RDH10: variants seen among roughly 807,000 people sequenced by gnomAD.
RDH10 encodes retinol dehydrogenase 10, also known as retinol dehydrogenase 10 (all-trans).
RDH10 carries 12 observed loss-of-function variants against 30.2 expected under a neutral mutation model. That is an observed-to-expected ratio of 0.40 (90% CI 0.25 to 0.64). The LOEUF (loss-of-function observed/expected upper bound fraction) is 0.64, where lower values mean the gene tolerates loss of function less well. Among genes scored for constraint, RDH10 ranks in the 30% least tolerant of loss-of-function variants. The pLI is 0.43. For missense variants in RDH10, 268 were observed against 445.2 expected (o/e 0.60, Z 3.58); for synonymous variants, 189 against 172.2 (o/e 1.10, Z -0.76).
At chr8:73,299,003 G>A (rs1393446831) in intron 2 of RDH10, among the ~76,000 whole-genome samples, 2 of 151,964 alleles carry the variant, frequency 1.3e-5, no homozygotes, top group East Asian at 3.9e-4. Flanking sequence ...TAGTAGAGGC[G>A]GGGTTGCACC....
chr8:73,299,056 C>T (rs1221495560), intron 2 of RDH10, among the ~76,000 whole-genome samples: 1 of 152,058 alleles, frequency 6.6e-6, no homozygotes, highest in Non-Finnish European at 1.5e-5. Flanking sequence ...TCAGGTGATC[C>T]GCCCGCCTCA....
At position 73,317,756 on chromosome 8, in the gene RDH10, AC is replaced by A. The variant is rs556014415; in HGVS notation, c.526-1339del. ...GGCAACATAATGAGACCCCTTCTCT[AC>A]AAAAAATTAAAAATTAGCTGGGCAT... On this transcript the variant is annotated intron_variant, in intron 2 of 5. Transcript: ENST00000240285. Among the ~76,000 whole-genome samples the A allele has an allele frequency of 1.5e-3, 230 of 152,186 alleles. 10 individuals carry two copies. In the South Asian group the frequency reaches 0.046, roughly 30 times the overall value.
chr8:73,321,812 A>G (rs1216098143), intron 4 of RDH10: 2 of 456,246 alleles, frequency 4.4e-6, no homozygotes, highest in East Asian at 6.9e-5. Context: ...GTTGGGGGCC[A>G]TTCTTAACGT....
chr8:73,315,462 T>G, intron 2 of RDH10: 2 of 349,636 alleles, frequency 5.7e-6, no homozygotes, highest in South Asian at 4.5e-5. Context: ...ACCACCAGAT[T>G]CATTTCAGGG....
At chr8:73,314,658 G>C (rs1399876009) in intron 2 of RDH10, among the ~76,000 whole-genome samples, 4 of 152,194 alleles carry the variant, frequency 2.6e-5, no homozygotes, top group African/African-American at 9.7e-5. Context: ...TTAGAAACAA[G>C]CCGTCTGGGA....
At chr8:73,311,201 C>G (rs940262665) in intron 2 of RDH10, 1 of 152,178 alleles carries the variant, frequency 6.6e-6, no homozygotes, top group Non-Finnish European at 1.5e-5. Flanking sequence ...TCTTGTCTCA[C>G]AAATGAGTTT....
chr8:73,311,735 A>G (rs975779442), intron 2 of RDH10: 2 of 152,224 alleles, frequency 1.3e-5, no homozygotes, highest in Non-Finnish European at 2.9e-5. Context: ...TTTTGTCCCA[A>G]TCTGATAGAA....
chr8:73,302,794 T>C (rs1413654493), intron 2 of RDH10, among the ~76,000 whole-genome samples: 1 of 152,248 alleles, frequency 6.6e-6, no homozygotes, highest in Non-Finnish European at 1.5e-5. Flanking sequence ...CTTTACTTGT[T>C]ATTTTTTAAG....
chr8:73,319,569 A>G (rs1814730194), intron 3 of RDH10, among the ~76,000 whole-genome samples: 1 of 152,248 alleles, frequency 6.6e-6, no homozygotes, highest in Admixed American at 6.5e-5. Flanking sequence ...CTCTTCTGCC[A>G]TAAAATCTCT....
chr8:73,299,541 A>C, intron 2 of RDH10, among the ~76,000 whole-genome samples: 1 of 152,220 alleles, frequency 6.6e-6, no homozygotes, highest in East Asian at 1.9e-4. Context: ...AGTCAGCCCT[A>C]AACAGTTACA....
At position 73,303,475 on chromosome 8, in the gene RDH10, A is replaced by G. The variant is rs1814416462; in HGVS notation, c.525+6046A>G. On this transcript the variant is annotated intron_variant, in intron 2 of 5. Coordinates refer to ENST00000240285, the MANE Select transcript of RDH10 (RefSeq NM_172037.5). ...TAAGACTAATTAGTTTATAGAGAAT[A>G]TTGATTTCCTATCTTAAGATAGCTA... is the stretch of plus-strand genomic sequence containing the variant. 3.3e-5 allele frequency among the ~76,000 whole-genome samples: 5 copies of G among 152,240 alleles called. No individual in the cohort carries two copies. In the South Asian group the frequency reaches 1.0e-3, roughly 31 times the overall value.
At position 73,294,840 on chromosome 8, in the gene RDH10, G is replaced by A; in HGVS notation, c.-450G>A. ...GAGTTGACAACTCCCGCGGCAGCCC[G>A]CTGGCCCGTGCCGCCTCCGCTGCGC... On this transcript the variant is annotated 5_prime_UTR_variant, in exon 1 of 6. Coordinates refer to ENST00000240285, the MANE Select transcript of RDH10 (RefSeq NM_172037.5). 2.6e-6 allele frequency: 1 copy of A among 385,630 alleles called. No individual in the cohort carries two copies. 23.9% of individuals were successfully genotyped at this position (385,630 alleles called of 1,614,324 possible).
In RDH10 at chr8:73,321,085, AG is replaced by A; in HGVS notation, c.770+9del. 2.5e-6 allele frequency: 4 copies of A among 1,607,678 alleles called. No individual in the cohort carries two copies. The highest frequency in any genetic ancestry group is 2.5e-6 in the Non-Finnish European group (3 of 1,176,846). ...CAGAGGCTGCCGAATCAGGTCAGTG[AG>A]AACCTATATTATTACTGATAAAAAG... On this transcript the variant is annotated intron_variant, in intron 4 of 5. Coordinates refer to ENST00000240285, the MANE Select transcript of RDH10 (RefSeq NM_172037.5).
intron 2 of RDH10, among the ~76,000 whole-genome samples, chr8:73,307,181 GA>G (rs1213661460): frequency 1.3e-5 from 2 of 151,620 alleles, no homozygotes; most frequent in East Asian, 3.9e-4. Flanking sequence ...ACTGATAAAA[GA>G]AGGATTAGAA....
chr8:73,312,747 C>G (rs1232666859), intron 2 of RDH10: 1 of 152,156 alleles, frequency 6.6e-6, no homozygotes, highest in Non-Finnish European at 1.5e-5. Flanking sequence ...TCTGAAAATC[C>G]TTAAGCATAT....
chr8:73,321,411 A>T (rs1814767725), intron 4 of RDH10, among the ~76,000 whole-genome samples: 1 of 152,224 alleles, frequency 6.6e-6, no homozygotes, highest in Non-Finnish European at 1.5e-5. Context: ...GTAAATAAGG[A>T]TTCTAGAAGA....
chr8:73,312,739 T>G (rs1280247885), intron 2 of RDH10: 1 of 152,218 alleles, frequency 6.6e-6, no homozygotes, highest in African/African-American at 2.4e-5. Flanking sequence ...TTGGAGATTC[T>G]GAAAATCCTT....
chr8:73,303,485 T>C (rs1437593347), intron 2 of RDH10, among the ~76,000 whole-genome samples: 1 of 152,236 alleles, frequency 6.6e-6, no homozygotes, highest in Non-Finnish European at 1.5e-5. Flanking sequence ...ATTGATTTCC[T>C]ATCTTAAGAT....
intron 2 of RDH10, among the ~76,000 whole-genome samples, chr8:73,305,418 AT>A (rs906035603): frequency 3.9e-5 from 6 of 152,256 alleles, no homozygotes; most frequent in African/African-American, 1.4e-4. Context: ...GAGTTGAGAA[AT>A]ATTAATAGCA....
Sources: gnomAD v4.1 joint callset for allele counts (sites outside exome capture counted in the v4.1 genomes callset) on GRCh38, gnomAD v4.1.1 for gene constraint, MANE v1.5 for transcripts, NCBI Gene and HGNC (gene_info 2026-07-23, HGNC 2026-07-21) for gene names.